The following HECTD4 variants were observed in gnomAD, a reference collection of about 807,000 sequenced individuals.
The protein encoded by HECTD4 is probable E3 ubiquitin-protein ligase HECTD4.
Under a neutral mutation model 471.5 loss-of-function variants are expected in HECTD4, and 114 were observed. The observed-to-expected ratio is 0.24, with a 90% CI of 0.21 to 0.28. The LOEUF (loss-of-function observed/expected upper bound fraction) is 0.28. Among genes scored for constraint, HECTD4 ranks in the 10% least tolerant of loss-of-function variants. The pLI is 1.00. For missense variants in HECTD4, 3,866 were observed against 5,651.5 expected, an observed-to-expected ratio of 0.68 and a Z score of 10.13; for synonymous variants, 2,012 against 2,256.0, an observed-to-expected ratio of 0.89 and a Z score of 3.07.
intron 1 of HECTD4, among the ~76,000 whole-genome samples, chr12:112,353,614 G>A (rs1320782046): frequency 6.6e-6 from 1 of 152,106 alleles, no homozygotes; most frequent in African/African-American, 2.4e-5. Context: ...TGGATCACAA[G>A]GTCAGGAGTT....
At chr12:112,332,982 TTCTC>T (rs1432594665) in intron 1 of HECTD4, among the ~76,000 whole-genome samples, 1 of 152,238 alleles carries the variant, frequency 6.6e-6, no homozygotes, top group East Asian at 1.9e-4. Context: ...ATTGGTCTCT[TTCTC>T]TCAGTATACT....
At chr12:112,373,238 T>A (rs949128599) in intron 1 of HECTD4, among the ~76,000 whole-genome samples, 1 of 152,174 alleles carries the variant, frequency 6.6e-6, no homozygotes, top group South Asian at 2.1e-4. Flanking sequence ...TTTCCTCATT[T>A]ATAAAATAAA....
intron 9 of HECTD4, among the ~76,000 whole-genome samples, chr12:112,278,791 G>T (rs747629614): frequency 2.0e-5 from 3 of 152,198 alleles, no homozygotes; most frequent in Non-Finnish European, 4.4e-5. Flanking sequence ...TACTAGGGAG[G>T]CTGAGGCAGG....
intron 32 of HECTD4, 79 bp from the exon 33 acceptor site, chr12:112,240,106 ACT>A: frequency 1.4e-6 from 2 of 1,408,004 alleles, no homozygotes; most frequent in Non-Finnish European, 2.0e-6. Context: ...CTCTTGAGAA[ACT>A]CTAGAGTATC....
At chr12:112,349,252 G>A (rs1307093712) in intron 1 of HECTD4, among the ~76,000 whole-genome samples, 2 of 151,846 alleles carry the variant, frequency 1.3e-5, no homozygotes, top group Non-Finnish European at 2.9e-5. Flanking sequence ...AGCCGGGTGT[G>A]GTAACACATG....
At chr12:112,170,738 T>G in intron 68 of HECTD4, 1 of 489,720 alleles carries the variant, frequency 2.0e-6, no homozygotes, top group Non-Finnish European at 3.7e-6. Flanking sequence ...CAAAAAGCTG[T>G]GTGTGTGCAC....
intron 16 of HECTD4, 100 bp from the exon 17 acceptor site, chr12:112,264,312 A>C: frequency 1.7e-6 from 2 of 1,182,194 alleles, no homozygotes; most frequent in South Asian, 4.9e-5. Flanking sequence ...GAAAACAAAA[A>C]GAGAAATAAA....
intron 65 of HECTD4, among the ~76,000 whole-genome samples, chr12:112,176,338 C>G (rs1320446211): frequency 6.6e-6 from 1 of 152,198 alleles, no homozygotes; most frequent in Non-Finnish European, 1.5e-5. Flanking sequence ...TGCGGTGTTT[C>G]TGGAACTGCT....
chr12:112,256,214 A>G, intron 21 of HECTD4, 106 bp downstream of exon 21: 1 of 802,712 alleles, frequency 1.2e-6, no homozygotes, highest in Non-Finnish European at 1.9e-6. Flanking sequence ...AGATATCTGC[A>G]GACAGAAATC....
intron 22 of HECTD4, among the ~76,000 whole-genome samples, chr12:112,252,844 C>G (rs559269884): frequency 6.6e-6 from 1 of 150,470 alleles, no homozygotes; most frequent in East Asian, 2.0e-4. Context: ...AGGTCTTACT[C>G]TGTCACCCGG....
At chr12:112,320,571 C>G (rs900483794) in intron 1 of HECTD4, among the ~76,000 whole-genome samples, 10 of 151,798 alleles carry the variant, frequency 6.6e-5, no homozygotes, top group African/African-American at 9.7e-5. Flanking sequence ...CGTGGTGGCC[C>G]ACGCCTGTAG....
intron 71 of HECTD4, 24 bp downstream of exon 71, chr12:112,167,790 A>T (rs779320193): frequency 6.3e-7 from 1 of 1,594,996 alleles, no homozygotes; most frequent in South Asian, 1.1e-5. Context: ...GGGGGCGTGG[A>T]GCCTCCTCCC....
At chr12:112,212,066 T>C (rs932796971) in intron 49 of HECTD4, among the ~76,000 whole-genome samples, 9 of 152,230 alleles carry the variant, frequency 5.9e-5, no homozygotes, top group Admixed American at 3.3e-4. Context: ...TCATTAAATA[T>C]GTATGAGGAT....
intron 1 of HECTD4, among the ~76,000 whole-genome samples, chr12:112,323,448 G>A (rs2035625511): frequency 6.6e-6 from 1 of 152,030 alleles, no homozygotes; most frequent in African/African-American, 2.4e-5. Context: ...TGTAATATCA[G>A]GATGCCATAA....
At chr12:112,278,674 C>T (rs2034575420) in intron 9 of HECTD4, among the ~76,000 whole-genome samples, 1 of 152,178 alleles carries the variant, frequency 6.6e-6, no homozygotes, top group African/African-American at 2.4e-5. Flanking sequence ...GGGTGGATCA[C>T]CTGAGGCCAG....
chr12:112,300,035 G>T (rs1052132372), intron 7 of HECTD4, among the ~76,000 whole-genome samples: 2 of 152,154 alleles, frequency 1.3e-5, no homozygotes, highest in Admixed American at 6.5e-5. Context: ...AAGACCCAAG[G>T]CCAGGCACAG....
In HECTD4 at chr12:112,190,822, G is replaced by A. The variant is rs2032053370; in HGVS notation, c.9436C>T (p.Pro3146Ser). 1 of 1,590,264 alleles carries A rather than the reference G, an allele frequency of 6.3e-7. No individual in the cohort carries two copies. The highest frequency in any genetic ancestry group is 1.2e-5 in the South Asian group (1 of 86,778). Reference sequence around the variant, plus strand: ...ACCACCTGCAGGAGGACGGATGTCGGAATGGTGTCAGGCTCATCTTCGGAC... The same window carrying A: ...ACCACCTGCAGGAGGACGGATGTCGAAATGGTGTCAGGCTCATCTTCGGAC... ...GKSEDEPDTI[P>S]TSVLLQVVEL... The change falls in exon 60 of 76, where the codon CCG becomes TCG. Residue 3146 changes from proline to serine, a missense_variant. Around this residue, in one of 16 missense-constraint regions of HECTD4, gnomAD observed 364 missense variants for 413.2 expected, o/e 0.88. Coordinates refer to ENST00000682272, the MANE Select transcript of HECTD4 (RefSeq NM_001388303.1).
Position 112,193,756 on chromosome 12 carries a change from A to G in HECTD4, c.8750-82T>C. 2.3e-6 allele frequency: 3 copies of G among 1,277,108 alleles called. No homozygotes were observed. Among genetic ancestry groups the G allele is most frequent in the Non-Finnish European group, 3.3e-6 (3 of 902,054 alleles). The allele number at this position is 1,277,108 out of a possible 1,614,324, so 79.1% of individuals were successfully genotyped here. ...GAGTCTAAGTAACAGAAAATGAATA[A>G]CCCATCCAGAAACCCCAGATGGGAG... On this transcript the variant is annotated intron_variant, in intron 56 of 75. Transcript: ENST00000682272. The surrounding 1 kb of genome is among the most constrained non-coding windows in gnomAD (Gnocchi z 5.2).
Position 112,170,324 on chromosome 12 carries a change from C to A in HECTD4, c.12052+9G>T, listed in dbSNP as rs1233026683. 6.2e-7 allele frequency: 1 copy of A among 1,613,758 alleles called. No individual in the cohort carries two copies. The highest frequency in any genetic ancestry group is 2.2e-5 in the East Asian group (1 of 44,892). On this transcript the variant is annotated intron_variant, in intron 69 of 75. Transcript: ENST00000682272. ...TTTTGCATTTTTTGCTCTCCGCAGC[C>A]AACCCCACCTCCCACAATTTCCAGT...
Sources: gnomAD v4.1 joint callset for allele counts (sites outside exome capture counted in the v4.1 genomes callset) on GRCh38, gnomAD v4.1.1 for gene constraint, gnomAD v4.1.1 regional missense constraint, Gnocchi (gnomAD v3.1) non-coding constraint, MANE v1.5 for transcripts, NCBI Gene and HGNC (gene_info 2026-07-23, HGNC 2026-07-21) for gene names.